Variants in SEM1 observed in about 807,000 individuals in gnomAD.
SEM1 encodes SEM1 26S proteasome subunit, also known as 26S proteasome complex subunit SEM1.
In SEM1, 3 loss-of-function variants were observed where a neutral mutation model predicts 12.7. The observed-to-expected ratio is 0.24, with a 90% CI of 0.11 to 0.61. The LOEUF (loss-of-function observed/expected upper bound fraction) is 0.61. Ranked by LOEUF, SEM1 falls within the 20% of genes least tolerant of loss-of-function variation. SEM1 has a pLI of 0.88. For missense variants in SEM1, 59 were observed against 81.3 expected, an observed-to-expected ratio of 0.73 and a Z score of 1.06; for synonymous variants, 30 against 27.8, an observed-to-expected ratio of 1.08 and a Z score of -0.25.
chr7:96,707,471 A>G (rs1487952703), intron 1 of SEM1, among the ~76,000 whole-genome samples: 3 of 152,346 alleles, frequency 2.0e-5, no homozygotes, highest in Admixed American at 6.5e-5. Context: ...GGCATTAAAA[A>G]TGTTTCTCAC....
chr7:96,611,040 T>C (rs1328342285), intron 2 of SEM1, among the ~76,000 whole-genome samples: 3 of 152,162 alleles, frequency 2.0e-5, no homozygotes, highest in Non-Finnish European at 4.4e-5. Flanking sequence ...GATTGACTCA[T>C]AGAGGAAATT....
chr7:96,654,788 A>G (rs1368905993), intron 2 of SEM1, among the ~76,000 whole-genome samples: 2 of 152,176 alleles, frequency 1.3e-5, no homozygotes, highest in African/African-American at 2.4e-5. Flanking sequence ...AGTGTGATGG[A>G]ACCTCAATGC....
chr7:96,609,212 A>G (rs1584802492), intron 2 of SEM1, among the ~76,000 whole-genome samples: 1 of 152,108 alleles, frequency 6.6e-6, no homozygotes, highest in East Asian at 1.9e-4. Context: ...GCCTGTGCCT[A>G]TTGAGCATTA....
At chr7:96,522,791 T>C (rs1426835626) in intron 2 of SEM1, among the ~76,000 whole-genome samples, 1 of 143,566 alleles carries the variant, frequency 7.0e-6, no homozygotes, top group Non-Finnish European at 1.5e-5. Flanking sequence ...CTCCAGGGGC[T>C]GAGGTGGGAG....
intron 2 of SEM1, among the ~76,000 whole-genome samples, chr7:96,598,696 A>G (rs1807084669): frequency 6.6e-6 from 1 of 152,188 alleles, no homozygotes; most frequent in African/African-American, 2.4e-5. Flanking sequence ...CTAATTGGAA[A>G]GATCTGAAGA....
At chr7:96,584,234 T>A (rs1220130572) in intron 2 of SEM1, among the ~76,000 whole-genome samples, 1 of 152,158 alleles carries the variant, frequency 6.6e-6, no homozygotes, top group Admixed American at 6.5e-5. Context: ...TGAAGCTTAG[T>A]TTGGCTGGAT....
downstream of SEM1, among the ~76,000 whole-genome samples, chr7:96,620,286 T>C (rs1807851146): frequency 6.6e-6 from 1 of 151,990 alleles, no homozygotes. Flanking sequence ...AACAGCAGCC[T>C]GCGGCAGGGC....
chr7:96,521,618 T>C (rs79504048), intron 2 of SEM1, among the ~76,000 whole-genome samples: 2,529 of 152,226 alleles, frequency 0.017, 77 homozygotes, highest in African/African-American at 0.058. Context: ...AGGTCACAAC[T>C]GCGTAATGGG....
At chr7:96,584,419 CTTTGGTGAAT>C (rs1310305280) in intron 2 of SEM1, among the ~76,000 whole-genome samples, 2 of 152,034 alleles carry the variant, frequency 1.3e-5, no homozygotes, top group Non-Finnish European at 2.9e-5. Flanking sequence ...TTCATTTCAA[CTTTGGTGAAT>C]CTGACAATTA....
intron 2 of SEM1, among the ~76,000 whole-genome samples, chr7:96,544,516 TCTTA>T (rs1451642331): frequency 6.6e-6 from 1 of 152,040 alleles, no homozygotes; most frequent in African/African-American, 2.4e-5. Flanking sequence ...TTGATTATTC[TCTTA>T]CTTATAAACT....
chr7:96,685,048 G>A (rs1789721809), downstream of SEM1, among the ~76,000 whole-genome samples: 1 of 152,106 alleles, frequency 6.6e-6, no homozygotes, highest in African/African-American at 2.4e-5. Flanking sequence ...TCTGCCAAGT[G>A]GGTGGGATGT....
downstream of SEM1, among the ~76,000 whole-genome samples, chr7:96,687,446 T>G (rs1471237224): frequency 6.6e-6 from 1 of 152,144 alleles, no homozygotes. Flanking sequence ...TGGAATACTA[T>G]GCAGCCATAA....
chr7:96,624,248 A>G (rs553062837), intron 2 of SEM1, among the ~76,000 whole-genome samples: 1 of 152,358 alleles, frequency 6.6e-6, no homozygotes, highest in African/African-American at 2.4e-5. Flanking sequence ...TGGATGAAAT[A>G]AATAAGACAA....
At position 96,536,332 on chromosome 7, in the gene SEM1, A is replaced by C. The variant is rs561541312; in HGVS notation, c.171-29634T>G. Among the ~76,000 whole-genome samples, 13 of 151,962 alleles carry C rather than the reference A, an allele frequency of 8.6e-5. No homozygotes were observed. In the East Asian group the frequency reaches 2.1e-3, roughly 25 times the overall value. ...TATACTTTTAAGTTCTCTGTGGCCC[A>C]AAATGTGGCATTTATTGGTGAATGT... On this transcript the variant is annotated intron_variant and NMD_transcript_variant, in intron 2 of 3. Transcript: ENST00000466986.
rs1803162732 is a variant in SEM1, at chr7:96,494,553, C to T, written c.12+1731G>A. Among the ~76,000 whole-genome samples the T allele has an allele frequency of 3.9e-5, 6 of 152,192 alleles. No individual in the cohort carries two copies. In the South Asian group the frequency reaches 1.2e-3, roughly 32 times the overall value. ...TACAAATCATTTTTCTGTAAGCAGA[C>T]ATGACATCCAGAAAGTTAACCCCAG... On this transcript the variant is annotated intron_variant, in intron 1 of 3. Transcript: ENST00000356686.
At chr7:96,633,098 G>A (rs1240922726) in intron 2 of SEM1, among the ~76,000 whole-genome samples, 2 of 151,980 alleles carry the variant, frequency 1.3e-5, no homozygotes, top group Admixed American at 6.6e-5. Flanking sequence ...CCCACTCCTG[G>A]TAGTTCAGAT....
intron 2 of SEM1, among the ~76,000 whole-genome samples, chr7:96,538,699 G>C (rs966571419): frequency 6.6e-6 from 1 of 151,794 alleles, no homozygotes; most frequent in African/African-American, 2.4e-5. Flanking sequence ...GTTTAGGCAT[G>C]TGTCTCTGAG....
chr7:96,501,880 C>T (rs999473268), intron 3 of SEM1, among the ~76,000 whole-genome samples: 8 of 152,060 alleles, frequency 5.3e-5, no homozygotes, highest in African/African-American at 1.9e-4. Flanking sequence ...CCCCCTCCCT[C>T]CCACTTCTAG....
chr7:96,549,891 A>G (rs12536037), intron 2 of SEM1, among the ~76,000 whole-genome samples: 92,588 of 151,250 alleles, frequency 0.61, 29,035 homozygotes, highest in Non-Finnish European at 0.69. Context: ...CCTATGCACA[A>G]TAGCATTTCG....
Sources: allele counts gnomAD v4.1 joint callset (sites outside exome capture counted in the v4.1 genomes callset), GRCh38; gene constraint gnomAD v4.1.1; transcripts MANE v1.5; gene names NCBI Gene and HGNC (gene_info 2026-07-23, HGNC 2026-07-21).